CTNNA3: variants seen among roughly 807,000 people sequenced by gnomAD.
CTNNA3 encodes the protein catenin alpha-3.
In CTNNA3, 76 loss-of-function variants were observed where a neutral mutation model predicts 95.7. The observed-to-expected ratio is 0.79, with a 90% CI of 0.66 to 0.96. The LOEUF (loss-of-function observed/expected upper bound fraction) is 0.96, where lower values mean the gene tolerates loss of function less well. Among genes scored for constraint, CTNNA3 ranks in the 40% least tolerant of loss-of-function variants. The pLI is 0.00. For synonymous variants in CTNNA3, 431 were observed against 374.4 expected (o/e 1.15, Z -1.74); for missense variants, 1,191 against 1,089.8 (o/e 1.09, Z -1.31).
chr10:67,725,986 C>G (rs1434371989), intron 1 of CTNNA3, among the ~76,000 whole-genome samples: 3 of 131,014 alleles, frequency 2.3e-5, no homozygotes, highest in African/African-American at 8.6e-5. Flanking sequence ...ATACTATATA[C>G]TATATATTAT....
intron 1 of CTNNA3, among the ~76,000 whole-genome samples, chr10:67,752,691 C>T (rs1841413663): frequency 6.6e-6 from 1 of 152,122 alleles, no homozygotes; most frequent in Non-Finnish European, 1.5e-5. Flanking sequence ...AATAGACAAA[C>T]AGACAGCCAA....
intron 15 of CTNNA3, among the ~76,000 whole-genome samples, chr10:66,065,445 T>C (rs2133587192): frequency 6.6e-6 from 1 of 152,278 alleles, no homozygotes; most frequent in African/African-American, 2.4e-5. Flanking sequence ...TCTCTTTGTT[T>C]TTTGATCTGC....
rs147191223 is a variant in CTNNA3, at chr10:67,094,468, G to C, written c.1047+85849C>G. 6.1e-3 allele frequency among the ~76,000 whole-genome samples: 932 copies of C among 151,662 alleles called. 9 individuals are homozygous for C. Among genetic ancestry groups the C allele is most frequent in the African/African-American group, 0.022 (896 of 41,424 alleles). On this transcript the variant is annotated intron_variant, in intron 7 of 17. Transcript: ENST00000433211. ...GTAAATTATTATTTATAGTAATTGG[G>C]GGAACAGTGTATAATTAAAAAGAAA...
intron 14 of CTNNA3, among the ~76,000 whole-genome samples, chr10:66,077,220 C>G (rs1193018763): frequency 6.6e-6 from 1 of 151,690 alleles, no homozygotes; most frequent in African/African-American, 2.4e-5. Context: ...AAATATGGCT[C>G]TGGAACTATG....
chr10:67,519,504 G>A (rs1434555710), intron 5 of CTNNA3, among the ~76,000 whole-genome samples: 2 of 152,102 alleles, frequency 1.3e-5, no homozygotes, highest in Admixed American at 1.3e-4. Context: ...TAAATGTGTA[G>A]CAAAACACAT....
Position 66,156,852 on chromosome 10 carries a change from G to A in CTNNA3, c.1885-53603C>T, listed in dbSNP as rs190074773. 1.0e-2 allele frequency among the ~76,000 whole-genome samples: 1,518 copies of A among 151,864 alleles called. 34 individuals are homozygous for A. Among genetic ancestry groups the A allele is most frequent in the African/African-American group, 0.035 (1,442 of 41,476 alleles). On this transcript the variant is annotated intron_variant, in intron 13 of 17. Transcript: ENST00000433211. ...TCAATTTTAATCTAAGTGTGTGAAAGGTGCTGAGGGAGAGGGATCATGTAT... is the reference window on the plus strand; with the variant it reads ...TCAATTTTAATCTAAGTGTGTGAAAAGTGCTGAGGGAGAGGGATCATGTAT...
intron 5 of CTNNA3, among the ~76,000 whole-genome samples, chr10:67,378,445 T>G (rs146985877): frequency 1.3e-5 from 2 of 152,268 alleles, no homozygotes; most frequent in East Asian, 1.9e-4. Flanking sequence ...CCAGACTTTA[T>G]TAGAGTTCTA....
intron 13 of CTNNA3, among the ~76,000 whole-genome samples, chr10:66,275,200 C>T (rs1387662732): frequency 6.6e-6 from 1 of 152,194 alleles, no homozygotes; most frequent in Non-Finnish European, 1.5e-5. Context: ...TCACTGCAAC[C>T]TCTGCCTCCC....
At chr10:65,937,169 T>C (rs1224268237) in intron 17 of CTNNA3, among the ~76,000 whole-genome samples, 1 of 152,112 alleles carries the variant, frequency 6.6e-6, no homozygotes, top group African/African-American at 2.4e-5. Context: ...TACATCTGCC[T>C]AATTAATGCA....
At chr10:66,717,763 G>A (rs1055265448) in intron 9 of CTNNA3, among the ~76,000 whole-genome samples, 1 of 152,112 alleles carries the variant, frequency 6.6e-6, no homozygotes, top group Non-Finnish European at 1.5e-5. Context: ...TCTGGCTAAG[G>A]AACTTGATAC....
At chr10:67,558,853 A>C (rs928923683) in intron 3 of CTNNA3, among the ~76,000 whole-genome samples, 1 of 152,206 alleles carries the variant, frequency 6.6e-6, no homozygotes, top group Non-Finnish European at 1.5e-5. Flanking sequence ...CATGGCTCGG[A>C]GGGTCCTACG....
At position 67,622,973 on chromosome 10, in the gene CTNNA3, G is replaced by A. The variant is rs532203769; in HGVS notation, c.100-15924C>T. The stretch of plus-strand genomic sequence containing the variant: ...AATTTACTAACTTTTAAGGTTACTC[G>A]TTGAGGTTATAGTCAAAACTCCAAT... On this transcript the variant is annotated intron_variant, in intron 2 of 17. Transcript: ENST00000433211. Among the ~76,000 whole-genome samples the A allele has an allele frequency of 3.3e-5, 5 of 152,214 alleles. No individual in the cohort carries two copies. In the South Asian group the frequency reaches 6.2e-4, roughly 19 times the overall value.
intron 7 of CTNNA3, among the ~76,000 whole-genome samples, chr10:66,904,675 A>G (rs1845907997): frequency 6.6e-6 from 1 of 152,198 alleles, no homozygotes; most frequent in Non-Finnish European, 1.5e-5. Flanking sequence ...TTACAAGAAA[A>G]AAACAAACAA....
At chr10:66,890,749 T>C (rs1845236576) in intron 7 of CTNNA3, among the ~76,000 whole-genome samples, 2 of 152,188 alleles carry the variant, frequency 1.3e-5, no homozygotes, top group African/African-American at 4.8e-5. Context: ...GATTATTCTC[T>C]TTTTAAGAAG....
intron 5 of CTNNA3, among the ~76,000 whole-genome samples, chr10:67,302,645 A>C (rs1840374359): frequency 6.6e-6 from 1 of 152,168 alleles, no homozygotes; most frequent in African/African-American, 2.4e-5. Flanking sequence ...TTCCATGTAC[A>C]CTTCATCCCC....
intron 7 of CTNNA3, among the ~76,000 whole-genome samples, chr10:66,811,623 C>G (rs1841879763): frequency 6.6e-6 from 1 of 152,198 alleles, no homozygotes; most frequent in East Asian, 1.9e-4. Context: ...AAATCCAATA[C>G]TAGTCCTAGG....
At chr10:67,239,842 C>T (rs1865650629) in intron 5 of CTNNA3, among the ~76,000 whole-genome samples, 2 of 152,010 alleles carry the variant, frequency 1.3e-5, no homozygotes, top group Admixed American at 1.3e-4. Flanking sequence ...ATCCTGTATC[C>T]ACTTTGAGGG....
At chr10:67,711,695 C>T (rs1263773732) in intron 1 of CTNNA3, among the ~76,000 whole-genome samples, 1 of 151,174 alleles carries the variant, frequency 6.6e-6, no homozygotes, top group Non-Finnish European at 1.5e-5. Flanking sequence ...AACTCGTCAT[C>T]TAGCATTAGG....
rs897049286 is a variant in CTNNA3, at chr10:67,370,860, G to GT, written c.579+150981dup. Among the ~76,000 whole-genome samples the GT allele has an allele frequency of 2.8e-3, 400 of 144,572 alleles. 1 individual carries two copies. Among genetic ancestry groups the GT allele is most frequent in the African/African-American group, 0.01 (385 of 37,202 alleles). 94.8% of individuals were successfully genotyped at this position (144,572 alleles called of 152,430 possible). On this transcript the variant is annotated intron_variant, in intron 5 of 17. Coordinates refer to ENST00000433211, the MANE Select transcript of CTNNA3 (RefSeq NM_013266.4). ...ATAATCCTATACATGTTAAGAGGAA[G>GT]TTTTTTTTGTTTTTTTTTTTTTTTG...
Sources: gnomAD v4.1 joint callset for allele counts (sites outside exome capture counted in the v4.1 genomes callset) on GRCh38, gnomAD v4.1.1 for gene constraint, MANE v1.5 for transcripts, NCBI Gene and HGNC (gene_info 2026-07-23, HGNC 2026-07-21) for gene names.